The following GALNT14 variants were observed in gnomAD, a reference collection of about 807,000 sequenced individuals.
GALNT14 encodes the protein polypeptide N-acetylgalactosaminyltransferase 14.
Under a neutral mutation model 77.5 loss-of-function variants are expected in GALNT14, and 60 were observed. The ratio of observed to expected loss-of-function variants is 0.77; its 90% CI spans 0.63 to 0.96. GALNT14 has a LOEUF of 0.96. Ranked by LOEUF, GALNT14 falls within the 40% of genes least tolerant of loss-of-function variation. The pLI is 0.00. For missense variants in GALNT14, 710 were observed against 731.0 expected (o/e 0.97, Z 0.33); for synonymous variants, 280 against 281.7 (o/e 0.99, Z 0.06).
chr2:31,045,946 T>G (rs966534699), intron 1 of GALNT14, among the ~76,000 whole-genome samples: 1 of 152,192 alleles, frequency 6.6e-6, no homozygotes, highest in Non-Finnish European at 1.5e-5. Context: ...CTGTTACCAC[T>G]GCTGCACAGG....
At chr2:31,024,712 A>C (rs1214677723) in intron 1 of GALNT14, among the ~76,000 whole-genome samples, 1 of 152,236 alleles carries the variant, frequency 6.6e-6, no homozygotes, top group African/African-American at 2.4e-5. Flanking sequence ...TCGTGAGGAC[A>C]GGAATTCCAG....
At chr2:31,137,557 GTCA>G (rs1679279818) in intron 1 of GALNT14, among the ~76,000 whole-genome samples, 1 of 152,042 alleles carries the variant, frequency 6.6e-6, no homozygotes, top group African/African-American at 2.4e-5. Context: ...CGGGAAGGAG[GTCA>G]GCGCAGCCGC....
intron 9 of GALNT14, among the ~76,000 whole-genome samples, chr2:30,935,043 A>G (rs1665967062): frequency 6.6e-6 from 1 of 152,184 alleles, no homozygotes. Flanking sequence ...AAAATTGAGT[A>G]TTGCAATTCT....
intron 1 of GALNT14, chr2:31,129,530 G>A (rs1191836316): frequency 2.0e-6 from 2 of 985,216 alleles, no homozygotes; most frequent in Non-Finnish European, 2.4e-6. Context: ...CAATTATCTG[G>A]GTGCCTTAAT....
chr2:31,051,595 T>A (rs529930434), intron 1 of GALNT14, among the ~76,000 whole-genome samples: 1 of 152,326 alleles, frequency 6.6e-6, no homozygotes, highest in South Asian at 2.1e-4. Flanking sequence ...CACAATTGCA[T>A]GAGCTAATGC....
chr2:30,992,830 G>A lies in GALNT14; in HGVS notation c.299+8C>T. On this transcript the variant is annotated splice_region_variant and intron_variant, in intron 2 of 14. Coordinates refer to ENST00000349752, the MANE Select transcript of GALNT14 (RefSeq NM_024572.4). ...CGGGGGTAACAGAGTGGGAGAAGGAGGAAGTACCTCAGATGGCGAGTGTCC... is the reference window on the plus strand; with the variant it reads ...CGGGGGTAACAGAGTGGGAGAAGGAAGAAGTACCTCAGATGGCGAGTGTCC... 2 of 1,612,266 alleles carry A rather than the reference G, an allele frequency of 1.2e-6. No individual in the cohort carries two copies. Among genetic ancestry groups the A allele is most frequent in the Middle Eastern group, 1.7e-4 (1 of 6,052 alleles).
the GALNT14 span, among the ~76,000 whole-genome samples, chr2:30,900,803 G>A: frequency 9.0e-3 from 1,370 of 152,302 alleles, 20 homozygotes; most frequent in African/African-American, 0.032. Flanking sequence ...GATGCATATC[G>A]ACGGGGCTGG....
intron 1 of GALNT14, among the ~76,000 whole-genome samples, chr2:31,130,784 G>GCGCGCA (rs1553382581): frequency 4.0e-5 from 5 of 124,974 alleles, no homozygotes; most frequent in African/African-American, 1.6e-4. Flanking sequence ...GTGTGTGTGT[G>GCGCGCA]CGCGCGCACC....
the GALNT14 span, among the ~76,000 whole-genome samples, chr2:30,896,234 T>C: frequency 6.6e-6 from 1 of 152,242 alleles, no homozygotes; most frequent in Non-Finnish European, 1.5e-5. Flanking sequence ...GGTTAACCAG[T>C]TGTGAGTGAT....
At chr2:30,894,878 C>CG in the GALNT14 span, among the ~76,000 whole-genome samples, 1 of 152,150 alleles carries the variant, frequency 6.6e-6, no homozygotes, top group African/African-American at 2.4e-5. Flanking sequence ...TCTCTGACCC[C>CG]GCTCCCTCCA....
At chr2:31,053,554 AC>A in intron 1 of GALNT14, among the ~76,000 whole-genome samples, 1 of 152,206 alleles carries the variant, frequency 6.6e-6, no homozygotes, top group South Asian at 2.1e-4. Flanking sequence ...AATAAGGCCG[AC>A]AAAAATGCAA....
rs57594110 is a variant in GALNT14 at position 30,989,560 on chromosome 2, TTATA to T, written c.299+3274_299+3277del. 2.5e-3 allele frequency among the ~76,000 whole-genome samples: 218 copies of T among 87,096 alleles called. 3 individuals carry two copies. Among genetic ancestry groups the T allele is most frequent in the Non-Finnish European group, 3.2e-3 (154 of 47,604 alleles). The allele number at this position is 87,096 out of a possible 152,430, so 57.1% of individuals were successfully genotyped here. A position where few individuals can be genotyped will look rare whatever the true frequency, so the allele number is the denominator to read the frequency against. ...ATTTACTATTAGGTAGGTAAATACC[TTATA>T]TATATATATATATATATAAAAATAT... On this transcript the variant is annotated intron_variant, in intron 2 of 14. Transcript: ENST00000349752.
intron 3 of GALNT14, among the ~76,000 whole-genome samples, chr2:30,961,941 C>T (rs1667717303): frequency 1.3e-5 from 2 of 152,128 alleles, no homozygotes; most frequent in Admixed American, 6.5e-5. Context: ...GATCTGCACA[C>T]CTTGGCCTCC....
At chr2:30,930,451 C>T (rs1041595930) in intron 10 of GALNT14, among the ~76,000 whole-genome samples, 4 of 152,206 alleles carry the variant, frequency 2.6e-5, no homozygotes, top group Non-Finnish European at 5.9e-5. Context: ...AGGTTATCTG[C>T]CCTGACTCTG....
At chr2:30,993,146 TA>T (rs2148405364) in intron 1 of GALNT14, 139 bp from the exon 2 acceptor site, 2 of 787,150 alleles carry the variant, frequency 2.5e-6, no homozygotes, top group African/African-American at 3.5e-5. Flanking sequence ...AAGCAGAACA[TA>T]AACTAAACCA....
intron 13 of GALNT14, among the ~76,000 whole-genome samples, chr2:30,921,670 A>G (rs1364790429): frequency 6.6e-6 from 1 of 152,210 alleles, no homozygotes; most frequent in Non-Finnish European, 1.5e-5. Flanking sequence ...ACCACATTCA[A>G]TGTCAGGGTA....
chr2:30,899,096 G>A, the GALNT14 span, among the ~76,000 whole-genome samples: 3 of 152,198 alleles, frequency 2.0e-5, no homozygotes, highest in African/African-American at 7.2e-5. Context: ...AACAGCTTTT[G>A]GAAAGAGCTT....
intron 1 of GALNT14, chr2:31,129,356 G>C: frequency 8.1e-6 from 8 of 984,678 alleles, no homozygotes; most frequent in Non-Finnish European, 8.4e-6. Flanking sequence ...CACACCAAGT[G>C]GTGGGGAAAA....
At chr2:30,894,163 T>A in the GALNT14 span, among the ~76,000 whole-genome samples, 1 of 152,198 alleles carries the variant, frequency 6.6e-6, no homozygotes, top group Non-Finnish European at 1.5e-5. Flanking sequence ...CTCTGAGCAC[T>A]GTTTCTTGCC....
Sources: gnomAD v4.1 joint callset for allele counts (sites outside exome capture counted in the v4.1 genomes callset) on GRCh38, gnomAD v4.1.1 for gene constraint, MANE v1.5 for transcripts, NCBI Gene and HGNC (gene_info 2026-07-23, HGNC 2026-07-21) for gene names.